GALNTL6: variants seen among roughly 807,000 people sequenced by gnomAD.
The protein encoded by GALNTL6 is polypeptide N-acetylgalactosaminyltransferase like 6.
Under a neutral mutation model 73.7 loss-of-function variants are expected in GALNTL6, and 46 were observed. The observed-to-expected ratio is 0.62, with a 90% CI of 0.49 to 0.80. GALNTL6 has a LOEUF of 0.80. GALNTL6 is among the 30% of genes least tolerant of loss of function. The probability of loss-of-function intolerance (pLI) is 0.00; values close to 1 mark genes in which losing one functional copy is unlikely to be tolerated. For synonymous variants in GALNTL6, 259 were observed against 263.7 expected (o/e 0.98, Z 0.17); for missense variants, 604 against 755.0 (o/e 0.80, Z 2.34).
chr4:172,643,592 A>G (rs547549762), intron 5 of GALNTL6, among the ~76,000 whole-genome samples: 1 of 152,066 alleles, frequency 6.6e-6, no homozygotes, highest in Admixed American at 6.6e-5. Context: ...GCTTCCAACA[A>G]TTCCCACTAT....
chr4:172,791,666 C>T (rs1207991682), intron 5 of GALNTL6, among the ~76,000 whole-genome samples: 1 of 151,952 alleles, frequency 6.6e-6, no homozygotes, highest in African/African-American at 2.4e-5. Flanking sequence ...CTCTGTTATC[C>T]CTTATTTCCT....
intron 5 of GALNTL6, among the ~76,000 whole-genome samples, chr4:172,391,848 A>G (rs1452553272): frequency 6.6e-6 from 1 of 152,254 alleles, no homozygotes; most frequent in Non-Finnish European, 1.5e-5. Context: ...AATGGTTTCA[A>G]GAATTTCACT....
intron 2 of GALNTL6, among the ~76,000 whole-genome samples, chr4:172,104,275 C>G (rs1230741667): frequency 6.6e-6 from 1 of 152,022 alleles, no homozygotes; most frequent in African/African-American, 2.4e-5. Flanking sequence ...TTATTCAGAG[C>G]CATTGGTGGA....
At chr4:171,945,180 T>C (rs868510769) in intron 2 of GALNTL6, among the ~76,000 whole-genome samples, 2 of 152,074 alleles carry the variant, frequency 1.3e-5, no homozygotes, top group Non-Finnish European at 2.9e-5. Flanking sequence ...ACTCTCCAGA[T>C]ACCTAGCATG....
chr4:171,996,332 C>T (rs190546244), intron 2 of GALNTL6, among the ~76,000 whole-genome samples: 2 of 152,162 alleles, frequency 1.3e-5, no homozygotes, highest in East Asian at 3.9e-4. Flanking sequence ...AAGAACAATT[C>T]TATTTGCCCT....
At chr4:172,252,086 A>C (rs1355258592) in intron 3 of GALNTL6, among the ~76,000 whole-genome samples, 7 of 152,146 alleles carry the variant, frequency 4.6e-5, no homozygotes, top group Admixed American at 3.9e-4. Flanking sequence ...TTAAAACTGA[A>C]TAGATGCATG....
At chr4:171,988,589 G>C (rs527679437) in intron 2 of GALNTL6, among the ~76,000 whole-genome samples, 8 of 152,296 alleles carry the variant, frequency 5.3e-5, no homozygotes, top group Admixed American at 4.6e-4. Context: ...GCACCACGGG[G>C]TGGATAGGCA....
At chr4:172,245,602 T>C (rs149134315) in intron 3 of GALNTL6, among the ~76,000 whole-genome samples, 54 of 152,310 alleles carry the variant, frequency 3.5e-4, no homozygotes, top group Admixed American at 6.5e-4. Context: ...CTGTGATTCA[T>C]TCAAGCCCAG....
At chr4:172,970,534 A>G (rs1390166413) in intron 10 of GALNTL6, among the ~76,000 whole-genome samples, 2 of 152,210 alleles carry the variant, frequency 1.3e-5, no homozygotes, top group African/African-American at 4.8e-5. Context: ...ATGTCCGTGT[A>G]TAGGCTCTCT....
At chr4:172,501,743 A>G (rs1365045277) in intron 5 of GALNTL6, among the ~76,000 whole-genome samples, 1 of 152,162 alleles carries the variant, frequency 6.6e-6, no homozygotes, top group Non-Finnish European at 1.5e-5. Flanking sequence ...AGGTGTTACT[A>G]ATAAGATAGA....
At chr4:172,384,239 T>A (rs1446359149) in intron 5 of GALNTL6, among the ~76,000 whole-genome samples, 1 of 152,122 alleles carries the variant, frequency 6.6e-6, no homozygotes, top group African/African-American at 2.4e-5. Flanking sequence ...CCCAAACTTT[T>A]CTTTGTGGGT....
intron 5 of GALNTL6, among the ~76,000 whole-genome samples, chr4:172,476,142 T>G (rs1733222737): frequency 6.6e-6 from 1 of 152,186 alleles, no homozygotes; most frequent in African/African-American, 2.4e-5. Context: ...CAAAATATCA[T>G]AAACTGGGTA....
At chr4:172,395,005 T>C (rs944138070) in intron 5 of GALNTL6, among the ~76,000 whole-genome samples, 1 of 152,226 alleles carries the variant, frequency 6.6e-6, no homozygotes, top group Admixed American at 6.5e-5. Context: ...GAACAGCAGT[T>C]TCTTTCTCTA....
At chr4:171,840,348 C>T (rs912809065) in intron 2 of GALNTL6, among the ~76,000 whole-genome samples, 1 of 152,144 alleles carries the variant, frequency 6.6e-6, no homozygotes, top group African/African-American at 2.4e-5. Flanking sequence ...TAGTTGAGGT[C>T]TCAGCATCTC....
At chr4:172,219,203 A>G (rs865969917) in intron 2 of GALNTL6, among the ~76,000 whole-genome samples, 47 of 140,876 alleles carry the variant, frequency 3.3e-4, no homozygotes, top group Middle Eastern at 4.9e-3. Flanking sequence ...GCAAGTGTAT[A>G]TATATATATA....
intron 2 of GALNTL6, among the ~76,000 whole-genome samples, chr4:172,223,842 A>G (rs1419217485): frequency 6.6e-6 from 1 of 152,148 alleles, no homozygotes; most frequent in Non-Finnish European, 1.5e-5. Context: ...ACATAAGAAT[A>G]CAAGTAAGTT....
At chr4:172,239,559 G>A (rs1175905217) in intron 3 of GALNTL6, among the ~76,000 whole-genome samples, 3 of 151,548 alleles carry the variant, frequency 2.0e-5, no homozygotes, top group Non-Finnish European at 4.4e-5. Context: ...TTGATGTTTT[G>A]TATTTTTTTT....
chr4:172,962,123 G>A (rs969761052), intron 10 of GALNTL6, among the ~76,000 whole-genome samples: 3 of 152,164 alleles, frequency 2.0e-5, no homozygotes, highest in African/African-American at 4.8e-5. Flanking sequence ...CTCAGTGGGG[G>A]AGCTTTTGAG....
chr4:172,418,601 C>T (rs1730933075), intron 5 of GALNTL6, among the ~76,000 whole-genome samples: 1 of 152,158 alleles, frequency 6.6e-6, no homozygotes, highest in South Asian at 2.1e-4. Flanking sequence ...AACCTGCAGG[C>T]TTATGACCAA....
Sources: gnomAD v4.1 joint callset for allele counts (sites outside exome capture counted in the v4.1 genomes callset) on GRCh38, gnomAD v4.1.1 for gene constraint, MANE v1.5 for transcripts, NCBI Gene and HGNC (gene_info 2026-07-23, HGNC 2026-07-21) for gene names.